The following GGT5 variants were observed in gnomAD, a reference collection of about 807,000 sequenced individuals.
GGT5 encodes the protein glutathione hydrolase 5 proenzyme.
GGT5 carries 50 observed loss-of-function variants against 58.1 expected under a neutral mutation model. The ratio of observed to expected loss-of-function variants is 0.86; its 90% CI spans 0.69 to 1.09. The LOEUF (loss-of-function observed/expected upper bound fraction) is 1.09, where lower values mean the gene tolerates loss of function less well. Among genes scored for constraint, GGT5 ranks in the 50% least tolerant of loss-of-function variants. GGT5 has a pLI of 0.00. For synonymous variants in GGT5, 370 were observed against 346.1 expected, an observed-to-expected ratio of 1.07 and a Z score of -0.77; for missense variants, 800 against 789.4, an observed-to-expected ratio of 1.01 and a Z score of -0.16.
At chr22:24,226,563 C>G in intron 7 of GGT5, 68 bp downstream of exon 7, 8 of 1,537,044 alleles carry the variant, frequency 5.2e-6, no homozygotes, top group Non-Finnish European at 7.2e-6. Context: ...GCCTGACCCT[C>G]ATTTCATGCC....
chr22:24,231,232 GCT>G (rs1044154372), intron 6 of GGT5, 150 bp downstream of exon 6: 31 of 614,014 alleles, frequency 5.0e-5, no homozygotes, highest in Non-Finnish European at 1.2e-5. Flanking sequence ...GGTTTCCACA[GCT>G]CTGTCTTCAT....
At chr22:24,238,479 G>A (rs1227952433) in intron 1 of GGT5, among the ~76,000 whole-genome samples, 1 of 149,202 alleles carries the variant, frequency 6.7e-6, no homozygotes, top group Admixed American at 6.8e-5. Context: ...AGGTTGCAGT[G>A]AGCAGATATC....
At position 24,244,966 on chromosome 22, in the gene GGT5, C is replaced by A. The variant is rs1299910623; in HGVS notation, c.-241G>T. On this transcript the variant is annotated 5_prime_UTR_variant, in exon 1 of 12. Transcript: ENST00000327365. The stretch of plus-strand genomic sequence containing the variant: ...GGACAGAGATGGGCTTACAGATGGG[C>A]GGACAGACAGACAGGTCTGAACAGC... 6.5e-6 allele frequency: 4 copies of A among 619,786 alleles called. No homozygotes were observed. The highest frequency in any genetic ancestry group is 1.1e-5 in the Non-Finnish European group (4 of 371,926). The allele number at this position is 619,786 out of a possible 1,614,324, so 38.4% of individuals were successfully genotyped here.
chr22:24,227,676 A>G (rs930127515), intron 6 of GGT5, among the ~76,000 whole-genome samples: 10 of 152,144 alleles, frequency 6.6e-5, no homozygotes, highest in African/African-American at 2.4e-4. Context: ...AGAAACCAGT[A>G]TGATCATGGA....
Position 24,225,555 on chromosome 22 carries a change from G to A in GGT5, c.1327C>T (p.Pro443Ser), listed in dbSNP as rs984702061. 4 of 1,608,716 alleles carry A rather than the reference G, an allele frequency of 2.5e-6. No individual in the cohort carries two copies. In the Admixed American group the frequency reaches 6.7e-5, roughly 27 times the overall value. ...GAAGCTTTGTTCTCACCAGGTGAGG[G>A]GGTGGTGCCGGAACCCCGGGGGCAT... ...ERCPRGSGTT[P>S]SPVSGDRVGG... is the part of the protein sequence containing the mutation. The change falls in exon 9 of 12, where the codon CCC becomes TCC. Residue 443 changes from proline (P) to serine (S), a missense_variant. Physicochemically the swap from Pro to Ser is moderately conservative, Grantham distance 74. Coordinates refer to ENST00000327365, the MANE Select transcript of GGT5 (RefSeq NM_004121.5).
chr22:24,232,212 G>A lies in GGT5; in HGVS notation c.597-4C>T. On this transcript the variant is annotated splice_polypyrimidine_tract_variant and splice_region_variant and intron_variant, in intron 4 of 11. Coordinates refer to ENST00000327365, the MANE Select transcript of GGT5 (RefSeq NM_004121.5). ...TGTCCCGTTGAAGAAGAGCTGGCTG[G>A]GGGGTGGGGGGAGCCTCAGGGTGGG... 1.4e-6 allele frequency: 2 copies of A among 1,473,506 alleles called. No homozygotes were observed. The highest frequency in any genetic ancestry group is 1.3e-5 in the South Asian group (1 of 77,680). The allele number at this position is 1,473,506 out of a possible 1,614,324, so 91.3% of individuals were successfully genotyped here.
In GGT5 at chr22:24,225,222, C is replaced by T. The variant is rs200684960; in HGVS notation, c.1503+23G>A. ...GTATGCTGCCCAGAGAGGAGACACT[C>T]GAGCCAGGAGCCCCAGACTCACCTG... On this transcript the variant is annotated intron_variant, in intron 10 of 11. Coordinates refer to ENST00000327365, the MANE Select transcript of GGT5 (RefSeq NM_004121.5). 56 of 1,609,884 alleles carry T rather than the reference C, an allele frequency of 3.5e-5. 1 individual carries two copies. In the Middle Eastern group the frequency reaches 6.6e-4, roughly 19 times the overall value.
intron 11 of GGT5, among the ~76,000 whole-genome samples, chr22:24,222,195 AAAAACAAAAC>A (rs1024454398): frequency 7.9e-5 from 12 of 152,028 alleles, no homozygotes; most frequent in Non-Finnish European, 1.3e-4. Context: ...AACAAGCCAA[AAAAACAAAAC>A]AAAACAAAAC....
chr22:24,241,175 A>C (rs1456341203), intron 1 of GGT5: 1 of 152,078 alleles, frequency 6.6e-6, no homozygotes, highest in African/African-American at 2.4e-5. Flanking sequence ...AAAAAAAAAA[A>C]AAACACGAGG....
chr22:24,219,922 A>G lies in GGT5; in HGVS notation c.*48T>C, dbSNP rs748388355. On this transcript the variant is annotated 3_prime_UTR_variant, in exon 12 of 12. Coordinates refer to ENST00000327365, the MANE Select transcript of GGT5 (RefSeq NM_004121.5). ...TCCCCCAGCCATGTCCGGCCTGGACACAGGACTCATGGTGGGGCCAGACTT... is the reference window on the plus strand; with the variant it reads ...TCCCCCAGCCATGTCCGGCCTGGACGCAGGACTCATGGTGGGGCCAGACTT... 3.8e-6 allele frequency: 6 copies of G among 1,595,342 alleles called. No homozygotes were observed. The highest frequency in any genetic ancestry group is 3.4e-6 in the Non-Finnish European group (4 of 1,164,540).
chr22:24,226,841 C>A, intron 6 of GGT5, 74 bp from the exon 7 acceptor site: 1 of 1,284,894 alleles, frequency 7.8e-7, no homozygotes, highest in Non-Finnish European at 1.1e-6. Context: ...CCACCCCCCA[C>A]CACAGAAAGA....
At chr22:24,239,848 G>A (rs1178104233) in intron 1 of GGT5, among the ~76,000 whole-genome samples, 4 of 151,590 alleles carry the variant, frequency 2.6e-5, no homozygotes, top group Non-Finnish European at 2.9e-5. Flanking sequence ...TTAGGACGCC[G>A]AGGTAAGCAG....
Position 24,236,074 on chromosome 22 carries a change from C to T in GGT5, c.174-2070G>A, listed in dbSNP as rs879460386. Among the ~76,000 whole-genome samples, 13 of 152,090 alleles carry T rather than the reference C, an allele frequency of 8.5e-5. No homozygotes were observed. The East Asian group carries it at 2.3e-3, about 27-fold the overall frequency. ...GATGGTAACTCCCCGACTTTAACTC[C>T]GCCAGTCCTCTCCCTACACTCGAGA... On this transcript the variant is annotated intron_variant, in intron 1 of 11. Transcript: ENST00000327365.
In GGT5 at chr22:24,230,590, TG is replaced by T. The variant is rs559832900; in HGVS notation, c.901+793del. On this transcript the variant is annotated intron_variant, in intron 6 of 11. Transcript: ENST00000327365. ...AATAATAATAATAATAATAATGCAA[TG>T]AAAAAAATAAAATGTACAATAAATT... is the stretch of plus-strand genomic sequence containing the variant. 5.3e-5 allele frequency among the ~76,000 whole-genome samples: 8 copies of T among 151,962 alleles called. No homozygotes were observed. The East Asian group carries it at 5.8e-4, about 11-fold the overall frequency.
intron 5 of GGT5, 37 bp downstream of exon 5, chr22:24,232,014 C>T: frequency 6.3e-7 from 1 of 1,586,910 alleles, no homozygotes; most frequent in Non-Finnish European, 8.6e-7. Context: ...GCTCTTCCTC[C>T]AGCAGGGATG....
Position 24,244,728 on chromosome 22 carries a change from C to A in GGT5, c.-3G>T. 6.2e-7 allele frequency: 1 copy of A among 1,605,226 alleles called. No individual in the cohort carries two copies. Among genetic ancestry groups the A allele is most frequent in the Non-Finnish European group, 8.5e-7 (1 of 1,175,806 alleles). On this transcript the variant is annotated 5_prime_UTR_variant, in exon 1 of 12. Transcript: ENST00000327365. Reference sequence around the variant, plus strand: ...GTGGCCCCGTAGCCCCGGGCCATGGCTCTGCAGCCCAGGAGGAGAGGGGCG... The same window carrying A: ...GTGGCCCCGTAGCCCCGGGCCATGGATCTGCAGCCCAGGAGGAGAGGGGCG...
intron 1 of GGT5, among the ~76,000 whole-genome samples, chr22:24,236,368 C>T (rs71318964): frequency 6.6e-6 from 1 of 152,156 alleles, no homozygotes; most frequent in Non-Finnish European, 1.5e-5. Flanking sequence ...ACCTCCATCT[C>T]CACCACACTG....
chr22:24,231,347 AG>A lies in GGT5; in HGVS notation c.901+36del. 10 of 1,063,358 alleles carry A rather than the reference AG, an allele frequency of 9.4e-6. No homozygotes were observed. In the East Asian group the frequency reaches 1.2e-4, roughly 13 times the overall value. The allele number at this position is 1,063,358 out of a possible 1,614,324, so 65.9% of individuals were successfully genotyped here. On this transcript the variant is annotated intron_variant, in intron 6 of 11. Coordinates refer to ENST00000327365, the MANE Select transcript of GGT5 (RefSeq NM_004121.5). ...TTCCCGGGGGCCGGGGGTGCGGGGG[AG>A]GGGGTGGGCGCCAGGGCTCTGGGCA...
At chr22:24,222,084 C>T (rs1215161517) in intron 11 of GGT5, among the ~76,000 whole-genome samples, 1 of 152,010 alleles carries the variant, frequency 6.6e-6, no homozygotes, top group Non-Finnish European at 1.5e-5. Flanking sequence ...GAGGCTGAGA[C>T]ATGAGAATTG....
Sources: allele counts gnomAD v4.1 joint callset (sites outside exome capture counted in the v4.1 genomes callset), GRCh38; gene constraint gnomAD v4.1.1; transcripts MANE v1.5; gene names NCBI Gene and HGNC (gene_info 2026-07-23, HGNC 2026-07-21).